Variants in C21orf58 observed in about 807,000 individuals in gnomAD.
The protein encoded by C21orf58 is uncharacterized protein C21orf58.
Under a neutral mutation model 35.8 loss-of-function variants are expected in C21orf58, and 34 were observed. That is an observed-to-expected ratio of 0.95 (90% confidence interval 0.72 to 1.26). C21orf58 has a LOEUF of 1.26. Among genes scored for constraint, C21orf58 ranks in the 50% most tolerant of loss-of-function variants. The probability of loss-of-function intolerance (pLI) is 0.00; values close to 1 mark genes in which losing one functional copy is unlikely to be tolerated. For missense variants in C21orf58, 440 were observed against 414.3 expected, an observed-to-expected ratio of 1.06 and a Z score of -0.54; for synonymous variants, 191 against 175.8, an observed-to-expected ratio of 1.09 and a Z score of -0.68.
In C21orf58 at chr21:46,315,509, G is replaced by A; in HGVS notation, c.409C>T (p.Leu137=). ...TGCAGAAGGTCCCTCCTTCTCTTCA[G>A]AGCAGTCTGCAGGGCATCGTCCGGC... ...DRPDDALQTA[L]KRRRDLLQRL... The change falls in exon 4 of 8, where the codon CTG becomes TTG. Residue 137 remains leucine, a synonymous_variant. Coordinates refer to ENST00000291691, the MANE Select transcript of C21orf58 (RefSeq NM_058180.5). The A allele has an allele frequency of 1.2e-6, 2 of 1,612,188 alleles. No individual in the cohort carries two copies. The highest frequency in any genetic ancestry group is 1.7e-6 in the Non-Finnish European group (2 of 1,178,676).
chr21:46,310,997 A>G (rs941249865), intron 6 of C21orf58, among the ~76,000 whole-genome samples: 1 of 151,566 alleles, frequency 6.6e-6, no homozygotes, highest in African/African-American at 2.4e-5. Context: ...TCAGCCTCCC[A>G]AGTAGCTGGG....
At chr21:46,321,560 G>A (rs147284023) in intron 1 of C21orf58, among the ~76,000 whole-genome samples, 22 of 152,298 alleles carry the variant, frequency 1.4e-4, no homozygotes, top group African/African-American at 5.3e-4. Flanking sequence ...AGAGTACTGG[G>A]CAGATATTTT....
chr21:46,314,553 C>G (rs1278999776), intron 5 of C21orf58, among the ~76,000 whole-genome samples, 163 bp downstream of exon 5: 3 of 152,226 alleles, frequency 2.0e-5, no homozygotes, highest in Non-Finnish European at 4.4e-5. Context: ...GAGGCCCAGG[C>G]AGTGCCCAGG....
At chr21:46,308,409 C>T (rs1271337477) in intron 6 of C21orf58, among the ~76,000 whole-genome samples, 1 of 151,842 alleles carries the variant, frequency 6.6e-6, no homozygotes, top group Non-Finnish European at 1.5e-5. Flanking sequence ...CGCGGTGAGC[C>T]GGGATCACGA....
intron 6 of C21orf58, among the ~76,000 whole-genome samples, chr21:46,308,941 A>G (rs1316117329): frequency 2.0e-5 from 3 of 152,178 alleles, no homozygotes; most frequent in Non-Finnish European, 4.4e-5. Context: ...CCCAACAGCA[A>G]GAAGGCTCTC....
chr21:46,312,102 A>G (rs1404846048), intron 5 of C21orf58, among the ~76,000 whole-genome samples: 2 of 151,980 alleles, frequency 1.3e-5, no homozygotes, highest in Admixed American at 6.6e-5. Context: ...CAACCAGCCA[A>G]CCATCTACCT....
intron 1 of C21orf58, among the ~76,000 whole-genome samples, chr21:46,321,876 G>C (rs575501340): frequency 1.4e-5 from 2 of 141,734 alleles, no homozygotes; most frequent in South Asian, 4.8e-4. Context: ...TTGAGGGTGA[G>C]TATCTACAAA....
Position 46,301,831 on chromosome 21 carries a change from C to T in C21orf58, c.*168G>A, listed in dbSNP as rs114795895. ...CTGGAATGGCCCCGTGACCAGAAAG[C>T]GAGCCTGCCCAGCTTCCCCAGGAGG... On this transcript the variant is annotated 3_prime_UTR_variant, in exon 8 of 8. Transcript: ENST00000291691. 547 of 1,263,102 alleles carry T rather than the reference C, an allele frequency of 4.3e-4. 2 individuals are homozygous for T. In the African/African-American group the frequency reaches 7.7e-3, roughly 18 times the overall value. The allele number at this position is 1,263,102 out of a possible 1,614,324, so 78.2% of individuals were successfully genotyped here. A position where few individuals can be genotyped will look rare whatever the true frequency, so the allele number is the denominator to read the frequency against.
At chr21:46,321,467 C>G (rs1182440632) in intron 1 of C21orf58, among the ~76,000 whole-genome samples, 3 of 152,242 alleles carry the variant, frequency 2.0e-5, no homozygotes, top group Non-Finnish European at 4.4e-5. Flanking sequence ...TGGTATCCAT[C>G]AGAACACCCC....
chr21:46,315,483 C>T lies in C21orf58; in HGVS notation c.435G>A (p.Gln145=). The T allele has an allele frequency of 6.2e-7, 1 of 1,604,474 alleles. No homozygotes were observed. The highest frequency in any genetic ancestry group is 8.5e-7 in the Non-Finnish European group (1 of 1,171,640). ...AGGGTGCAGGGCCTACCCGGAGTCT[C>T]TGCAGAAGGTCCCTCCTTCTCTTCA... is the stretch of plus-strand genomic sequence containing the variant. ...TALKRRRDLL[Q]RLREQHLLDE... is the part of the protein sequence containing the mutation. The change falls in exon 4 of 8, where the codon CAG becomes CAA. Residue 145 remains glutamine (Q), a synonymous_variant. Transcript: ENST00000291691.
intron 6 of C21orf58, among the ~76,000 whole-genome samples, chr21:46,308,242 C>G (rs1449088512): frequency 6.6e-6 from 1 of 152,142 alleles, no homozygotes; most frequent in Non-Finnish European, 1.5e-5. Context: ...GGGGGCAGAT[C>G]ACGAGGTCAG....
In C21orf58 at chr21:46,302,029, G is replaced by A; in HGVS notation, c.939C>T (p.Ala313=). ...PPGAATVLQP[A]PSLWTPGPP ...GTGGGCCAGGCGTCCACAGGCTGGG[G>A]GCGGGCTGGAGGACAGTGGCAGCCC... Residue 313 remains alanine, a synonymous_variant, in exon 8 of 8, where the codon GCC becomes GCT. Transcript: ENST00000291691. The A allele has an allele frequency of 6.5e-7, 1 of 1,537,180 alleles. No individual in the cohort carries two copies. The highest frequency in any genetic ancestry group is 8.8e-7 in the Non-Finnish European group (1 of 1,141,398).
In C21orf58 at chr21:46,322,757, T is replaced by C; in HGVS notation, c.-19A>G. The C allele has an allele frequency of 6.9e-7, 1 of 1,443,128 alleles. No individual in the cohort carries two copies. The highest frequency in any genetic ancestry group is 9.2e-7 in the Non-Finnish European group (1 of 1,084,436). The allele number at this position is 1,443,128 out of a possible 1,614,324, so 89.4% of individuals were successfully genotyped here. ...GCGCCATTGCGCTATAGCCTGGGCG[T>C]CGCAGCGAGACTGTCTCAAAAAAAG... On this transcript the variant is annotated 5_prime_UTR_variant, in exon 1 of 8. Coordinates refer to ENST00000291691, the MANE Select transcript of C21orf58 (RefSeq NM_058180.5).
intron 1 of C21orf58, chr21:46,319,156 T>G (rs1301349044): frequency 6.6e-6 from 1 of 152,354 alleles, no homozygotes; most frequent in Non-Finnish European, 1.5e-5. Context: ...AGTGAGTGAT[T>G]GGGTGAAGGC....
chr21:46,312,952 A>AT, intron 5 of C21orf58: 1 of 979,378 alleles, frequency 1.0e-6, no homozygotes, highest in Non-Finnish European at 1.2e-6. Context: ...GTGAAAATAA[A>AT]TTATAGCCAA....
Position 46,322,795 on chromosome 21 carries a change from G to GAGGGCGTCGC in C21orf58, c.-58_-57insGCGACGCCCT. 1 of 1,228,070 alleles carries GAGGGCGTCGC rather than the reference G, an allele frequency of 8.1e-7. No individual in the cohort carries two copies. The highest frequency in any genetic ancestry group is 1.1e-6 in the Non-Finnish European group (1 of 925,268). The allele number at this position is 1,228,070 out of a possible 1,614,324, so 76.1% of individuals were successfully genotyped here. A position where few individuals can be genotyped will look rare whatever the true frequency, so the allele number is the denominator to read the frequency against. On this transcript the variant is annotated 5_prime_UTR_variant, in exon 1 of 8. Coordinates refer to ENST00000291691, the MANE Select transcript of C21orf58 (RefSeq NM_058180.5). The stretch of plus-strand genomic sequence containing the variant: ...GTCTCAAAAAAAGAAAAAAAATTCT[G>GAGGGCGTCGC]AGCGAGATTCCAGGGCTTCCTGAGG...
intron 6 of C21orf58, among the ~76,000 whole-genome samples, chr21:46,309,299 A>G (rs1375837660): frequency 6.6e-6 from 1 of 152,144 alleles, no homozygotes. Context: ...CGTCTCTACT[A>G]AAAACCACAA....
intron 3 of C21orf58, among the ~76,000 whole-genome samples, chr21:46,316,436 A>G (rs1462326673): frequency 6.6e-6 from 1 of 152,188 alleles, no homozygotes; most frequent in African/African-American, 2.4e-5. Context: ...AGCCTGGGCA[A>G]TAGAGTGAGA....
intron 6 of C21orf58, among the ~76,000 whole-genome samples, chr21:46,311,012 C>T (rs1039372349): frequency 6.6e-5 from 10 of 151,702 alleles, no homozygotes; most frequent in Admixed American, 5.3e-4. Context: ...GCTGGGATTA[C>T]AGGCATCCAT....
Sources: allele counts gnomAD v4.1 joint callset (sites outside exome capture counted in the v4.1 genomes callset), GRCh38; gene constraint gnomAD v4.1.1; transcripts MANE v1.5; gene names NCBI Gene and HGNC (gene_info 2026-07-23, HGNC 2026-07-21).